Variants in VTI1A observed in about 807,000 individuals in gnomAD.
VTI1A encodes the protein vesicle transport through interaction with t-SNAREs homolog 1A.
VTI1A carries 22 observed loss-of-function variants against 34.9 expected under a neutral mutation model. The ratio of observed to expected loss-of-function variants is 0.63; its 90% CI spans 0.45 to 0.90. The LOEUF is 0.90. Among genes scored for constraint, VTI1A ranks in the 40% least tolerant of loss-of-function variants. VTI1A has a pLI of 0.00. For synonymous variants in VTI1A, 87 were observed against 97.3 expected (o/e 0.89, Z 0.62); for missense variants, 268 against 275.6 (o/e 0.97, Z 0.20).
At chr10:112,521,901 C>G (rs1279579075) in intron 3 of VTI1A, among the ~76,000 whole-genome samples, 1 of 151,712 alleles carries the variant, frequency 6.6e-6, no homozygotes, top group Non-Finnish European at 1.5e-5. Flanking sequence ...TTTTTGAGTC[C>G]TGGTGCAGGG....
intron 5 of VTI1A, among the ~76,000 whole-genome samples, chr10:112,562,194 T>C (rs908465745): frequency 6.6e-6 from 1 of 152,186 alleles, no homozygotes; most frequent in Non-Finnish European, 1.5e-5. Context: ...AGACATAACT[T>C]ACGACACTGC....
intron 5 of VTI1A, among the ~76,000 whole-genome samples, chr10:112,565,070 G>A (rs1470120848): frequency 6.6e-6 from 1 of 152,100 alleles, no homozygotes; most frequent in East Asian, 1.9e-4. Flanking sequence ...TATTGAAGGA[G>A]ATTTATGGAA....
intron 5 of VTI1A, among the ~76,000 whole-genome samples, chr10:112,569,550 T>G (rs1852040034): frequency 6.6e-6 from 1 of 152,238 alleles, no homozygotes; most frequent in Admixed American, 6.5e-5. Flanking sequence ...GCTTTTGCCC[T>G]CAACATGGAG....
At chr10:112,730,335 A>G (rs1419791472) in intron 7 of VTI1A, among the ~76,000 whole-genome samples, 1 of 152,154 alleles carries the variant, frequency 6.6e-6, no homozygotes, top group African/African-American at 2.4e-5. Flanking sequence ...GCTTATTGAT[A>G]ATTCTGTCTT....
intron 7 of VTI1A, among the ~76,000 whole-genome samples, chr10:112,686,694 G>T (rs1033981787): frequency 2.6e-5 from 4 of 152,192 alleles, no homozygotes; most frequent in African/African-American, 9.7e-5. Flanking sequence ...GTCAGCCACG[G>T]TGTAAGTGCC....
intron 7 of VTI1A, among the ~76,000 whole-genome samples, chr10:112,695,236 T>TA (rs1395166531): frequency 6.6e-6 from 1 of 152,172 alleles, no homozygotes; most frequent in Non-Finnish European, 1.5e-5. Flanking sequence ...TGCATTTAAT[T>TA]ACTTAAAGCA....
intron 7 of VTI1A, among the ~76,000 whole-genome samples, chr10:112,725,625 A>G (rs955583238): frequency 2.0e-5 from 3 of 152,210 alleles, no homozygotes; most frequent in Non-Finnish European, 4.4e-5. Context: ...TTCAGTTTGC[A>G]TTTACTAGCT....
At chr10:112,483,434 G>C (rs1033380725) in intron 3 of VTI1A, among the ~76,000 whole-genome samples, 1 of 152,142 alleles carries the variant, frequency 6.6e-6, no homozygotes, top group Non-Finnish European at 1.5e-5. Context: ...TTGATACTTT[G>C]ATAAAGTCAG....
chr10:112,834,945 G>A, the VTI1A span, among the ~76,000 whole-genome samples: 2 of 152,192 alleles, frequency 1.3e-5, no homozygotes, highest in African/African-American at 4.8e-5. Context: ...CCACTTGAGA[G>A]AGCCCTTCTA....
At chr10:112,554,789 C>G (rs892529972) in intron 5 of VTI1A, among the ~76,000 whole-genome samples, 32 of 152,064 alleles carry the variant, frequency 2.1e-4, no homozygotes, top group African/African-American at 7.2e-4. Context: ...TTTCTTTCCT[C>G]CCACTCTCTA....
At chr10:112,717,403 CAG>C (rs1451218545) in intron 7 of VTI1A, among the ~76,000 whole-genome samples, 2 of 152,130 alleles carry the variant, frequency 1.3e-5, no homozygotes, top group Non-Finnish European at 2.9e-5. Context: ...TTAGGAAAAT[CAG>C]GGGTTGCTTG....
At chr10:112,792,808 G>A (rs1852532158) in intron 7 of VTI1A, among the ~76,000 whole-genome samples, 1 of 152,220 alleles carries the variant, frequency 6.6e-6, no homozygotes, top group African/African-American at 2.4e-5. Context: ...TTTGGATGTT[G>A]ATGGTGATAA....
chr10:112,720,863 TGA>T (rs773124903), intron 7 of VTI1A, among the ~76,000 whole-genome samples: 1 of 152,152 alleles, frequency 6.6e-6, no homozygotes, highest in Non-Finnish European at 1.5e-5. Context: ...GGAGAATTAA[TGA>T]TAGAGTTGGA....
chr10:112,684,710 A>T (rs1472406145), intron 7 of VTI1A, among the ~76,000 whole-genome samples: 1 of 152,110 alleles, frequency 6.6e-6, no homozygotes, highest in Admixed American at 6.5e-5. Flanking sequence ...AAGTGCTGGG[A>T]TTACAGGTGT....
chr10:112,581,992 C>T (rs1004116807), intron 5 of VTI1A, among the ~76,000 whole-genome samples: 3 of 152,160 alleles, frequency 2.0e-5, no homozygotes, highest in African/African-American at 7.2e-5. Flanking sequence ...CTTGACACAC[C>T]TTTCTGTCTT....
rs923986341 is a variant in VTI1A at position 112,686,376 on chromosome 10, C to T, written c.560+17378C>T. On this transcript the variant is annotated intron_variant, in intron 7 of 7. Transcript: ENST00000393077. ...GTAATGGACACTTTGATAGGGGCAG[C>T]ATTAGGATCCATGGAGAGGCACCAT... Among the ~76,000 whole-genome samples, 4 of 152,090 alleles carry T rather than the reference C, an allele frequency of 2.6e-5. No individual in the cohort carries two copies. In the East Asian group the frequency reaches 5.8e-4, roughly 22 times the overall value.
intron 3 of VTI1A, among the ~76,000 whole-genome samples, chr10:112,473,218 C>T (rs1352642840): frequency 1.3e-5 from 2 of 151,428 alleles, no homozygotes; most frequent in African/African-American, 2.4e-5. Context: ...AAGAGATTCT[C>T]CTGCCTCAGC....
chr10:112,461,340 C>T (rs142189987), intron 2 of VTI1A, among the ~76,000 whole-genome samples: 302 of 152,332 alleles, frequency 2.0e-3, no homozygotes, highest in Non-Finnish European at 3.4e-3. Flanking sequence ...TGAAAAATGG[C>T]TCAGACAGAG....
intron 7 of VTI1A, among the ~76,000 whole-genome samples, chr10:112,679,743 T>G (rs780670828): frequency 6.6e-6 from 1 of 151,952 alleles, no homozygotes; most frequent in Non-Finnish European, 1.5e-5. Flanking sequence ...TTCCAATGGC[T>G]TAATGATTTT....
Sources: allele counts gnomAD v4.1 joint callset (sites outside exome capture counted in the v4.1 genomes callset), GRCh38; gene constraint gnomAD v4.1.1; transcripts MANE v1.5; gene names NCBI Gene and HGNC (gene_info 2026-07-23, HGNC 2026-07-21).